Variants in ELAVL2 observed in about 807,000 individuals in gnomAD.
ELAVL2 encodes the protein ELAV-like protein 2.
Under a neutral mutation model 34.6 loss-of-function variants are expected in ELAVL2, and 4 were observed. The observed-to-expected ratio is 0.12, with a 90% CI of 0.06 to 0.26. The LOEUF (loss-of-function observed/expected upper bound fraction) is 0.26. Among genes scored for constraint, ELAVL2 ranks in the 10% least tolerant of loss-of-function variants. ELAVL2 has a pLI of 1.00. For synonymous variants in ELAVL2, 193 were observed against 154.8 expected, an observed-to-expected ratio of 1.25 and a Z score of -1.83; for missense variants, 432 against 442.8, an observed-to-expected ratio of 0.98 and a Z score of 0.22.
the ELAVL2 span, among the ~76,000 whole-genome samples, chr9:23,838,857 A>T: frequency 6.6e-6 from 1 of 152,158 alleles, no homozygotes; most frequent in Non-Finnish European, 1.5e-5. Context: ...TTGAACAAAA[A>T]CTGGCTTCCG....
At chr9:23,703,899 TA>T (rs1341038049) in intron 4 of ELAVL2, among the ~76,000 whole-genome samples, 1 of 152,182 alleles carries the variant, frequency 6.6e-6, no homozygotes, top group Admixed American at 6.5e-5. Flanking sequence ...AACTGTTTCC[TA>T]AAGAACAAGT....
chr9:23,789,751 A>G lies in ELAVL2; in HGVS notation c.-15-27502T>C, dbSNP rs148860010. Among the ~76,000 whole-genome samples the G allele has an allele frequency of 4.6e-5, 7 of 152,350 alleles. No individual in the cohort carries two copies. The East Asian group carries it at 1.4e-3, about 29-fold the overall frequency. On this transcript the variant is annotated intron_variant, in intron 1 of 6. Transcript: ENST00000397312. ...CTATCACATATCTCCCTTCCCCAGA[A>G]AAGTAAATAAACATTCTTAAAGACA...
intron 2 of ELAVL2, 98 bp from the exon 3 acceptor site, chr9:23,731,223 A>G (rs971525348): frequency 3.2e-5 from 29 of 907,760 alleles, no homozygotes; most frequent in Admixed American, 1.2e-4. Flanking sequence ...TAACACCAGC[A>G]TATTTCCTCA....
intron 1 of ELAVL2, among the ~76,000 whole-genome samples, chr9:23,799,611 T>G (rs984506839): frequency 1.3e-5 from 2 of 152,144 alleles, no homozygotes; most frequent in Non-Finnish European, 2.9e-5. Flanking sequence ...TCACTGATGC[T>G]CAATAGTAAC....
At chr9:23,766,129 G>T (rs1342670772) in intron 1 of ELAVL2, among the ~76,000 whole-genome samples, 1 of 152,102 alleles carries the variant, frequency 6.6e-6, no homozygotes, top group Non-Finnish European at 1.5e-5. Flanking sequence ...AGGCAATCCT[G>T]GCTGTGATTT....
intron 1 of ELAVL2, among the ~76,000 whole-genome samples, chr9:23,780,757 G>A (rs1010190414): frequency 6.6e-6 from 1 of 152,172 alleles, no homozygotes; most frequent in Non-Finnish European, 1.5e-5. Context: ...CCAAAATGAA[G>A]ATTTTAGTTC....
At chr9:23,760,317 C>T (rs1181232631) in intron 2 of ELAVL2, among the ~76,000 whole-genome samples, 1 of 151,912 alleles carries the variant, frequency 6.6e-6, no homozygotes, top group Non-Finnish European at 1.5e-5. Context: ...CAAAACATGA[C>T]TTTTGTGCTC....
At chr9:23,821,041 G>C (rs1431368799) in intron 1 of ELAVL2, among the ~76,000 whole-genome samples, 1 of 152,218 alleles carries the variant, frequency 6.6e-6, no homozygotes, top group Non-Finnish European at 1.5e-5. Flanking sequence ...CGCCCCGAGA[G>C]CTCCAAGGAC....
chr9:23,695,907 C>T (rs1455060585), intron 5 of ELAVL2, among the ~76,000 whole-genome samples: 3 of 152,072 alleles, frequency 2.0e-5, no homozygotes, highest in Non-Finnish European at 2.9e-5. Flanking sequence ...ATTTCGTTTT[C>T]CATCCTCCAT....
chr9:23,700,155 T>C (rs78706792), intron 5 of ELAVL2, among the ~76,000 whole-genome samples: 1,977 of 152,336 alleles, frequency 0.013, 45 homozygotes, highest in African/African-American at 0.046. Context: ...GTGATTATAT[T>C]TTTGGTAATT....
chr9:23,751,215 A>G (rs929515916), intron 2 of ELAVL2, among the ~76,000 whole-genome samples: 1 of 152,202 alleles, frequency 6.6e-6, no homozygotes, highest in Non-Finnish European at 1.5e-5. Flanking sequence ...TGTACAAAAC[A>G]GAGTTCCAAC....
chr9:23,714,633 CA>C (rs2041842757), intron 3 of ELAVL2, among the ~76,000 whole-genome samples: 1 of 152,160 alleles, frequency 6.6e-6, no homozygotes, highest in Admixed American at 6.5e-5. Flanking sequence ...GAACCTAAGC[CA>C]GTAAAACGTA....
intron 1 of ELAVL2, among the ~76,000 whole-genome samples, chr9:23,774,862 C>T (rs1265098699): frequency 1.3e-5 from 2 of 152,030 alleles, no homozygotes; most frequent in Non-Finnish European, 2.9e-5. Context: ...CGATTATACC[C>T]TAGAATCTAG....
the ELAVL2 span, among the ~76,000 whole-genome samples, chr9:23,835,172 C>G: frequency 1.3e-5 from 2 of 152,070 alleles, no homozygotes; most frequent in Middle Eastern, 3.2e-3. Context: ...TTAAGTATAG[C>G]TTATAATTCA....
At chr9:23,840,304 A>G in the ELAVL2 span, among the ~76,000 whole-genome samples, 1 of 152,208 alleles carries the variant, frequency 6.6e-6, no homozygotes, top group East Asian at 1.9e-4. Context: ...GTGCAACACA[A>G]TCTACCTGTG....
chr9:23,780,593 C>A (rs764565781), intron 1 of ELAVL2, among the ~76,000 whole-genome samples: 10 of 152,176 alleles, frequency 6.6e-5, no homozygotes, highest in Non-Finnish European at 1.0e-4. Flanking sequence ...TACCAACATT[C>A]TTCTTATATT....
the ELAVL2 span, among the ~76,000 whole-genome samples, chr9:23,840,414 C>T: frequency 1.4e-5 from 2 of 147,438 alleles, no homozygotes; most frequent in African/African-American, 2.4e-5. Context: ...ATGAAAAGCT[C>T]CACAGGTGAT....
chr9:23,749,208 A>C (rs1371388270), intron 2 of ELAVL2, among the ~76,000 whole-genome samples: 1 of 152,136 alleles, frequency 6.6e-6, no homozygotes, highest in Non-Finnish European at 1.5e-5. Context: ...CGTGTGCACC[A>C]GCCATTTAAG....
At chr9:23,756,500 G>A (rs2053586792) in intron 2 of ELAVL2, among the ~76,000 whole-genome samples, 1 of 152,082 alleles carries the variant, frequency 6.6e-6, no homozygotes, top group African/African-American at 2.4e-5. Context: ...TTAGAAGAAA[G>A]GAAAAATAAC....
Sources: allele counts gnomAD v4.1 joint callset (sites outside exome capture counted in the v4.1 genomes callset), GRCh38; gene constraint gnomAD v4.1.1; transcripts MANE v1.5; gene names NCBI Gene and HGNC (gene_info 2026-07-23, HGNC 2026-07-21).